Variants in GRID2IP observed in about 807,000 individuals in gnomAD.
The protein encoded by GRID2IP is delphilin.
Under a neutral mutation model 114.3 loss-of-function variants are expected in GRID2IP, and 78 were observed. The observed-to-expected ratio is 0.68, with a 90% CI of 0.57 to 0.82. GRID2IP has a LOEUF of 0.82. Among genes scored for constraint, GRID2IP ranks in the 40% least tolerant of loss-of-function variants. The probability of loss-of-function intolerance (pLI) is 0.00; values close to 1 mark genes in which losing one functional copy is unlikely to be tolerated. For synonymous variants in GRID2IP, 809 were observed against 724.0 expected (o/e 1.12, Z -1.89); for missense variants, 1,727 against 1,678.5 (o/e 1.03, Z -0.51).
At chr7:6,511,422 G>C (rs919309182) in intron 8 of GRID2IP, among the ~76,000 whole-genome samples, 1 of 152,130 alleles carries the variant, frequency 6.6e-6, no homozygotes, top group East Asian at 1.9e-4. Flanking sequence ...GCCCAGGTGG[G>C]AGTGCAGTGG....
intron 1 of GRID2IP, among the ~76,000 whole-genome samples, chr7:6,545,357 G>A (rs146584257): frequency 3.9e-5 from 6 of 152,042 alleles, no homozygotes; most frequent in East Asian, 3.9e-4. Flanking sequence ...GTCTGGAGCC[G>A]TCTACACGTG....
rs763409164 is a variant in GRID2IP at position 6,523,082 on chromosome 7, G to A, written c.920-1125C>T. Among the ~76,000 whole-genome samples, 6 of 152,144 alleles carry A rather than the reference G, an allele frequency of 3.9e-5. No homozygotes were observed. The highest frequency in any genetic ancestry group is 3.9e-4 in the Admixed American group (6 of 15,250). ...GTCTCCCAAAGTGCTGGGATTACAG[G>A]TGTGAGCCACCACGTAGTCCTCTTT... On this transcript the variant is annotated intron_variant, in intron 4 of 21. Transcript: ENST00000457091. The surrounding 1 kb of genome is among the most constrained non-coding windows in gnomAD (Gnocchi z 4.5).
chr7:6,502,952 G>A, intron 17 of GRID2IP, 56 bp downstream of exon 17: 1 of 1,546,960 alleles, frequency 6.5e-7, no homozygotes, highest in East Asian at 2.4e-5. Context: ...CTCCAGGCTG[G>A]AAGCCCCAGG....
Position 6,536,803 on chromosome 7 carries a change from C to A in GRID2IP, c.584+2915G>T. On this transcript the variant is annotated intron_variant, in intron 2 of 21. Coordinates refer to ENST00000457091, the MANE Select transcript of GRID2IP (RefSeq NM_001145118.2). The surrounding 1 kb of genome is among the most constrained non-coding windows in gnomAD (Gnocchi z 5.3). ...TCCTTTTTTCCCCTCTTCTGATTCT[C>A]CTAGCAAGGGGCTCACCCCTTACTC... The A allele has an allele frequency of 2.8e-6, 2 of 702,576 alleles. No individual in the cohort carries two copies. The highest frequency in any genetic ancestry group is 5.2e-6 in the Non-Finnish European group (2 of 384,690). 43.5% of individuals were successfully genotyped at this position (702,576 alleles called of 1,614,324 possible).
At chr7:6,502,598 C>A (rs182841899) in intron 18 of GRID2IP, among the ~76,000 whole-genome samples, 188 bp downstream of exon 18, 56 of 149,928 alleles carry the variant, frequency 3.7e-4, no homozygotes, top group African/African-American at 1.2e-3. Flanking sequence ...TCCCCCACCC[C>A]ACCCCACCCC....
chr7:6,533,512 C>G (rs763308281), intron 2 of GRID2IP, among the ~76,000 whole-genome samples: 1 of 151,946 alleles, frequency 6.6e-6, no homozygotes, highest in African/African-American at 2.4e-5. Context: ...GCATGTACCA[C>G]TATGCCTGGC....
chr7:6,497,936 AG>A lies in GRID2IP; in HGVS notation c.3565-92del, dbSNP rs946649202. ...CTCTTCCCACACTAGACAGCCCATC[AG>A]GGGGTTAGGGGGACATGTCGCTCAC... On this transcript the variant is annotated intron_variant, in intron 21 of 21. Coordinates refer to ENST00000457091, the MANE Select transcript of GRID2IP (RefSeq NM_001145118.2). The A allele has an allele frequency of 3.2e-4, 291 of 912,844 alleles. No homozygotes were observed. In the Middle Eastern group the frequency reaches 0.012, roughly 38 times the overall value. The allele number at this position is 912,844 out of a possible 1,614,324, so 56.5% of individuals were successfully genotyped here.
chr7:6,503,331 C>A (rs901363957), intron 16 of GRID2IP, among the ~76,000 whole-genome samples, 160 bp downstream of exon 16: 3 of 152,236 alleles, frequency 2.0e-5, no homozygotes, highest in East Asian at 3.8e-4. Flanking sequence ...GTACCTTGGA[C>A]CCCTGATAGG....
At chr7:6,500,591 A>G (rs528618278) in intron 20 of GRID2IP, among the ~76,000 whole-genome samples, 31 of 152,314 alleles carry the variant, frequency 2.0e-4, no homozygotes, top group South Asian at 6.2e-4. Context: ...GCAGGGGTAG[A>G]TCTGACATCA....
Position 6,520,223 on chromosome 7 carries a change from C to T in GRID2IP, c.1268+355G>A, listed in dbSNP as rs1233211645. On this transcript the variant is annotated intron_variant, in intron 7 of 21. Transcript: ENST00000457091. This position sits in a 1 kb window ranked among gnomAD's most constrained non-coding sequence, Gnocchi z 4.6. Reference sequence around the variant, plus strand: ...AGAAGAATCGCTTGAACCCAGGAGGCGGAGGCTGCAGTGAGCCAAGATCTC... The same window carrying T: ...AGAAGAATCGCTTGAACCCAGGAGGTGGAGGCTGCAGTGAGCCAAGATCTC... 1.3e-5 allele frequency among the ~76,000 whole-genome samples: 2 copies of T among 151,738 alleles called. No individual in the cohort carries two copies. Among genetic ancestry groups the T allele is most frequent in the Non-Finnish European group, 2.9e-5 (2 of 67,986 alleles).
intron 10 of GRID2IP, 100 bp from the exon 11 acceptor site, chr7:6,510,500 C>A (rs1786744873): frequency 7.7e-7 from 1 of 1,298,664 alleles, no homozygotes; most frequent in Non-Finnish European, 1.0e-6. Flanking sequence ...TATGCCCCAG[C>A]CTGAAGCAGC....
intron 20 of GRID2IP, among the ~76,000 whole-genome samples, chr7:6,498,543 T>TA (rs1341503144): frequency 6.7e-6 from 1 of 150,118 alleles, no homozygotes; most frequent in Non-Finnish European, 1.5e-5. Flanking sequence ...TCATTTACAG[T>TA]AGGCCCCTCT....
rs999963244 is a variant in GRID2IP at position 6,534,423 on chromosome 7, G to A, written c.584+5295C>T. 3.3e-5 allele frequency among the ~76,000 whole-genome samples: 5 copies of A among 152,158 alleles called. No homozygotes were observed. The highest frequency in any genetic ancestry group is 9.7e-5 in the African/African-American group (4 of 41,434). ...AGCCATTTTCTCACTTCATCAGACC[G>A]GGGTCCCTTTGGGGAGAGACCCAAA... On this transcript the variant is annotated intron_variant, in intron 2 of 21. Transcript: ENST00000457091. This position sits in a 1 kb window ranked among gnomAD's most constrained non-coding sequence, Gnocchi z 4.5.
rs118037895 is a variant in GRID2IP, at chr7:6,547,102, A to G, written c.429+3906T>C. The stretch of plus-strand genomic sequence containing the variant: ...TTTCCAAGCTCTCTTCCTCTTCCAT[A>G]GGGAACCCTGAAGCTTCACATAGAG... On this transcript the variant is annotated intron_variant, in intron 1 of 21. Transcript: ENST00000457091. 1.3e-3 allele frequency among the ~76,000 whole-genome samples: 204 copies of G among 152,268 alleles called. 7 individuals are homozygous for G. In the East Asian group the frequency reaches 0.036, roughly 27 times the overall value.
chr7:6,525,406 G>A (rs1042563710), intron 4 of GRID2IP, among the ~76,000 whole-genome samples: 4 of 152,172 alleles, frequency 2.6e-5, no homozygotes, highest in Non-Finnish European at 5.9e-5. Context: ...AGGATTACTT[G>A]AGCTCAGGAG....
chr7:6,518,498 G>C (rs1779354356), intron 7 of GRID2IP, among the ~76,000 whole-genome samples: 1 of 152,138 alleles, frequency 6.6e-6, no homozygotes, highest in South Asian at 2.1e-4. Flanking sequence ...AGCACTTTGG[G>C]AGGCTGAAGT....
At chr7:6,543,624 T>C (rs1779845035) in intron 1 of GRID2IP, among the ~76,000 whole-genome samples, 1 of 151,984 alleles carries the variant, frequency 6.6e-6, no homozygotes, top group African/African-American at 2.4e-5. Context: ...TCTTTTTTTT[T>C]CTGGAGTCAG....
In GRID2IP at chr7:6,507,175, C is replaced by G. The variant is rs1786617430; in HGVS notation, c.2544+810G>C. On this transcript the variant is annotated intron_variant, in intron 13 of 21. Coordinates refer to ENST00000457091, the MANE Select transcript of GRID2IP (RefSeq NM_001145118.2). The surrounding 1 kb of genome is among the most constrained non-coding windows in gnomAD (Gnocchi z 5.3). ...AGTTGAGGATGATGGTGATCATGAGCACTGGGACGGGGCAGCCCTGGGAGC... is the reference window on the plus strand; with the variant it reads ...AGTTGAGGATGATGGTGATCATGAGGACTGGGACGGGGCAGCCCTGGGAGC... Among the ~76,000 whole-genome samples the G allele has an allele frequency of 1.3e-5, 2 of 152,140 alleles. No individual in the cohort carries two copies. The highest frequency in any genetic ancestry group is 4.8e-5 in the African/African-American group (2 of 41,436).
chr7:6,502,985 C>A, intron 17 of GRID2IP, 23 bp downstream of exon 17: 1 of 1,551,252 alleles, frequency 6.4e-7, no homozygotes, highest in Non-Finnish European at 8.7e-7. Flanking sequence ...AGATAGGGTG[C>A]CAGGAAGGGT....
Sources: allele counts gnomAD v4.1 joint callset (sites outside exome capture counted in the v4.1 genomes callset), GRCh38; gene constraint gnomAD v4.1.1; non-coding constraint Gnocchi (gnomAD v3.1); transcripts MANE v1.5; gene names NCBI Gene and HGNC (gene_info 2026-07-23, HGNC 2026-07-21).